The following CFAP20DC variants were observed in gnomAD, a reference collection of about 807,000 sequenced individuals.
CFAP20DC encodes the protein CFAP20 domain containing.
CFAP20DC carries 84 observed loss-of-function variants against 101.7 expected under a neutral mutation model. That is an observed-to-expected ratio of 0.83 (90% confidence interval 0.69 to 0.99). The LOEUF (loss-of-function observed/expected upper bound fraction) is 0.99. CFAP20DC is among the 50% of genes least tolerant of loss of function. The pLI, the probability that CFAP20DC is intolerant of heterozygous loss-of-function variation, is 0.00. For synonymous variants in CFAP20DC, 359 were observed against 351.2 expected, an observed-to-expected ratio of 1.02 and a Z score of -0.25; for missense variants, 1,007 against 970.3, an observed-to-expected ratio of 1.04 and a Z score of -0.50.
At chr3:59,041,508 T>G (rs1309488914) in intron 3 of CFAP20DC, among the ~76,000 whole-genome samples, 1 of 152,136 alleles carries the variant, frequency 6.6e-6, no homozygotes, top group African/African-American at 2.4e-5. Flanking sequence ...TAACATTTTT[T>G]TCCAGTGGCT....
At chr3:58,992,787 G>A (rs561503829) in intron 4 of CFAP20DC, among the ~76,000 whole-genome samples, 42 of 152,044 alleles carry the variant, frequency 2.8e-4, no homozygotes, top group Non-Finnish European at 5.4e-4. Flanking sequence ...GTCAGGTAAG[G>A]TATGTAAAAA....
At chr3:58,768,986 G>GAGGGAGGGC (rs1258892349) in intron 15 of CFAP20DC, among the ~76,000 whole-genome samples, 1 of 152,204 alleles carries the variant, frequency 6.6e-6, no homozygotes, top group East Asian at 1.9e-4. Context: ...TTATAAAAAG[G>GAGGGAGGGC]TAAGAACAGG....
Position 58,820,803 on chromosome 3 carries a change from C to T in CFAP20DC, c.2175+10883G>A, listed in dbSNP as rs1370777388. ...AATTGGAAAAAACTACTTTAAAGTT[C>T]ATATGGAACCAAAAAAGAGCCCGCA... On this transcript the variant is annotated intron_variant, in intron 14 of 16. Transcript: ENST00000482387. 3.7e-4 allele frequency among the ~76,000 whole-genome samples: 55 copies of T among 147,872 alleles called. 1 individual carries two copies. The highest frequency in any genetic ancestry group is 1.3e-3 in the African/African-American group (51 of 38,734).
At position 58,971,889 on chromosome 3, in the gene CFAP20DC, ACAC is replaced by A. The variant is rs1326815315; in HGVS notation, c.279-34130_279-34128del. Among the ~76,000 whole-genome samples, 1 of 151,764 alleles carries A rather than the reference ACAC, an allele frequency of 6.6e-6. No individual in the cohort carries two copies. Among genetic ancestry groups the A allele is most frequent in the Admixed American group, 6.6e-5 (1 of 15,220 alleles). On this transcript the variant is annotated intron_variant, in intron 4 of 16. Coordinates refer to ENST00000482387, the MANE Select transcript of CFAP20DC (RefSeq NM_001394063.1). The surrounding 1 kb of genome is among the most constrained non-coding windows in gnomAD (Gnocchi z 4.1). ...TACACACACACACACACACACACACACACAATTAAGCTCTAGAGGTACTCCCAA... is the reference window on the plus strand; with the variant it reads ...TACACACACACACACACACACACACAAATTAAGCTCTAGAGGTACTCCCAA...
intron 4 of CFAP20DC, among the ~76,000 whole-genome samples, chr3:58,938,473 T>C (rs1005474221): frequency 4.6e-5 from 7 of 152,190 alleles, no homozygotes; most frequent in African/African-American, 1.7e-4. Context: ...TCTCCAAACC[T>C]GTCTCACACT....
chr3:58,902,304 A>G (rs1025768362), intron 6 of CFAP20DC, among the ~76,000 whole-genome samples: 2 of 152,198 alleles, frequency 1.3e-5, no homozygotes, highest in Non-Finnish European at 2.9e-5. Context: ...TTTTGGGTAT[A>G]TACCTAGGAA....
intron 6 of CFAP20DC, among the ~76,000 whole-genome samples, chr3:58,902,843 G>T (rs1360479521): frequency 6.6e-6 from 1 of 151,902 alleles, no homozygotes; most frequent in African/African-American, 2.4e-5. Flanking sequence ...GAAAATGCTA[G>T]GAAATAGTTA....
intron 6 of CFAP20DC, among the ~76,000 whole-genome samples, chr3:58,886,217 C>T (rs912838607): frequency 4.6e-5 from 7 of 151,942 alleles, no homozygotes; most frequent in Admixed American, 2.0e-4. Context: ...TGCAAATAAG[C>T]GTTTATAATT....
Position 58,948,298 on chromosome 3 carries a change from T to C in CFAP20DC, c.279-10536A>G, listed in dbSNP as rs761272850. On this transcript the variant is annotated intron_variant, in intron 4 of 16. Transcript: ENST00000482387. ...TCTCTCTTTATTATGCCAACTGAAA[T>C]TATATTCATCTATCACAGTTTGAGT... Among the ~76,000 whole-genome samples, 37 of 152,250 alleles carry C rather than the reference T, an allele frequency of 2.4e-4. 1 individual carries two copies. The highest frequency in any genetic ancestry group is 3.4e-4 in the Non-Finnish European group (23 of 68,038).
chr3:58,962,939 G>A (rs543338485), intron 4 of CFAP20DC, among the ~76,000 whole-genome samples: 25 of 151,948 alleles, frequency 1.6e-4, no homozygotes, highest in African/African-American at 6.0e-4. Context: ...GCCCCAACCA[G>A]GATCTCAAAC....
chr3:58,900,705 T>C (rs1372716229), intron 6 of CFAP20DC, among the ~76,000 whole-genome samples: 3 of 152,368 alleles, frequency 2.0e-5, no homozygotes, highest in South Asian at 2.1e-4. Flanking sequence ...TGACAGCTCA[T>C]GCAGCGTCCA....
At chr3:58,999,107 T>A (rs1392102994) in intron 4 of CFAP20DC, among the ~76,000 whole-genome samples, 1 of 152,164 alleles carries the variant, frequency 6.6e-6, no homozygotes, top group African/African-American at 2.4e-5. Flanking sequence ...AGAAAGCAGA[T>A]CAGCAGTCCT....
chr3:58,738,016 A>G (rs190187050), downstream of CFAP20DC, among the ~76,000 whole-genome samples: 2 of 152,320 alleles, frequency 1.3e-5, no homozygotes, highest in African/African-American at 4.8e-5. This position sits in a 1 kb window ranked among gnomAD's most constrained non-coding sequence, Gnocchi z 4.4. Flanking sequence ...TCTAGGCCCA[A>G]TTAGACAATT....
chr3:58,820,748 C>G (rs1414677540), intron 14 of CFAP20DC, among the ~76,000 whole-genome samples: 1 of 146,864 alleles, frequency 6.8e-6, no homozygotes, highest in African/African-American at 2.6e-5. Flanking sequence ...AATGCCATCC[C>G]CATCAAGCTA....
intron 7 of CFAP20DC, among the ~76,000 whole-genome samples, chr3:58,883,249 T>C (rs2081357405): frequency 6.6e-6 from 1 of 152,242 alleles, no homozygotes; most frequent in Non-Finnish European, 1.5e-5. Context: ...AAAGCTACTG[T>C]GAGTCTGGGC....
intron 7 of CFAP20DC, among the ~76,000 whole-genome samples, chr3:58,876,190 C>G (rs1002518729): frequency 1.3e-5 from 2 of 152,044 alleles, no homozygotes; most frequent in African/African-American, 4.8e-5. Flanking sequence ...ATAATGAACA[C>G]ACCAATTCTT....
At chr3:58,933,054 T>C (rs2086949308) in intron 5 of CFAP20DC, among the ~76,000 whole-genome samples, 1 of 151,624 alleles carries the variant, frequency 6.6e-6, no homozygotes, top group Non-Finnish European at 1.5e-5. Flanking sequence ...ACACATAGGC[T>C]CAAAATAAAA....
At chr3:58,962,523 T>C (rs1294887541) in intron 4 of CFAP20DC, among the ~76,000 whole-genome samples, 1 of 152,192 alleles carries the variant, frequency 6.6e-6, no homozygotes, top group Non-Finnish European at 1.5e-5. Context: ...TGTTCAGTAT[T>C]TTTGTTATTA....
chr3:58,950,105 C>A (rs1279043694), intron 4 of CFAP20DC, among the ~76,000 whole-genome samples: 2 of 152,154 alleles, frequency 1.3e-5, no homozygotes, highest in East Asian at 1.9e-4. Context: ...GCAAAAATCA[C>A]AAGCATTCTT....
Sources: gnomAD v4.1 joint callset for allele counts (sites outside exome capture counted in the v4.1 genomes callset) on GRCh38, gnomAD v4.1.1 for gene constraint, Gnocchi (gnomAD v3.1) non-coding constraint, MANE v1.5 for transcripts, NCBI Gene and HGNC (gene_info 2026-07-23, HGNC 2026-07-21) for gene names.